The following VPS13B variants were observed in gnomAD, a reference collection of about 807,000 sequenced individuals.
VPS13B encodes the protein intermembrane lipid transfer protein VPS13B.
VPS13B carries 285 observed loss-of-function variants against 426.4 expected under a neutral mutation model. The ratio of observed to expected loss-of-function variants is 0.67; its 90% CI spans 0.61 to 0.74. The LOEUF is 0.74. Ranked by LOEUF, VPS13B falls within the 30% of genes least tolerant of loss-of-function variation. The probability of loss-of-function intolerance (pLI) is 0.00; values close to 1 mark genes in which losing one functional copy is unlikely to be tolerated. For missense variants in VPS13B, 4,537 were observed against 4,782.6 expected, an observed-to-expected ratio of 0.95 and a Z score of 1.51; for synonymous variants, 1,676 against 1,676.4, an observed-to-expected ratio of 1.00 and a Z score of 0.01.
At chr8:99,197,560 T>C (rs994459475) in intron 17 of VPS13B, among the ~76,000 whole-genome samples, 2 of 152,192 alleles carry the variant, frequency 1.3e-5, no homozygotes, top group African/African-American at 4.8e-5. Flanking sequence ...TAATTTCTTT[T>C]AGCTTATCCA....
chr8:99,853,078 C>T (rs1816374684), intron 55 of VPS13B, among the ~76,000 whole-genome samples: 1 of 152,134 alleles, frequency 6.6e-6, no homozygotes, highest in Non-Finnish European at 1.5e-5. Context: ...TTTTCTTCTG[C>T]TCACATCACT....
intron 3 of VPS13B, among the ~76,000 whole-genome samples, chr8:99,080,377 A>G (rs1279946818): frequency 1.3e-5 from 2 of 151,878 alleles, no homozygotes; most frequent in African/African-American, 4.8e-5. Flanking sequence ...GTAATTTTAA[A>G]CCTTTATTTT....
chr8:99,325,902 A>C (rs1184466674), intron 19 of VPS13B, among the ~76,000 whole-genome samples: 1 of 152,010 alleles, frequency 6.6e-6, no homozygotes, highest in Non-Finnish European at 1.5e-5. Flanking sequence ...AACCAAAATA[A>C]ATTTTTATTC....
At chr8:99,689,560 G>A (rs1831560824) in intron 35 of VPS13B, among the ~76,000 whole-genome samples, 1 of 152,182 alleles carries the variant, frequency 6.6e-6, no homozygotes, top group African/African-American at 2.4e-5. Flanking sequence ...GTGCACACCT[G>A]TAGTCCCAGC....
Position 99,521,137 on chromosome 8 carries a change from G to T in VPS13B, c.4745+127G>T, listed in dbSNP as rs963133081. The T allele has an allele frequency of 1.0e-5, 8 of 785,254 alleles. No homozygotes were observed. In the Admixed American group the frequency reaches 1.8e-4, roughly 17 times the overall value. 48.6% of individuals were successfully genotyped at this position (785,254 alleles called of 1,614,324 possible). On this transcript the variant is annotated intron_variant, in intron 30 of 61. Coordinates refer to ENST00000357162, the MANE Select transcript of VPS13B (RefSeq NM_152564.5). The stretch of plus-strand genomic sequence containing the variant: ...AGGATCTTTTGATATTTAAAACCAG[G>T]TTTTTCTGATTTTCTTCAGTTGTGG...
intron 30 of VPS13B, among the ~76,000 whole-genome samples, chr8:99,542,169 G>C (rs542351485): frequency 6.6e-6 from 1 of 152,130 alleles, no homozygotes; most frequent in African/African-American, 2.4e-5. Flanking sequence ...GATTACAGAC[G>C]TGAGCCACCG....
chr8:99,397,094 A>G (rs1814765512), intron 21 of VPS13B, among the ~76,000 whole-genome samples: 1 of 152,204 alleles, frequency 6.6e-6, no homozygotes, highest in South Asian at 2.1e-4. Context: ...TTTTTAAAGA[A>G]TCTGTCTTTG....
At chr8:99,202,930 A>T (rs1288320974) in intron 17 of VPS13B, among the ~76,000 whole-genome samples, 2 of 151,958 alleles carry the variant, frequency 1.3e-5, no homozygotes, top group Non-Finnish European at 2.9e-5. Context: ...GTTACTCTGG[A>T]CGCTGAGGCA....
chr8:99,164,602 G>A (rs1044967278), intron 15 of VPS13B, among the ~76,000 whole-genome samples: 4 of 152,198 alleles, frequency 2.6e-5, no homozygotes, highest in African/African-American at 9.7e-5. Context: ...ACCCACATAA[G>A]TAGAATATGC....
At chr8:99,670,738 G>C (rs1230127867) in intron 35 of VPS13B, among the ~76,000 whole-genome samples, 1 of 151,998 alleles carries the variant, frequency 6.6e-6, no homozygotes, top group Non-Finnish European at 1.5e-5. Context: ...TGCAGTTTTT[G>C]TCTATTTCTG....
At position 99,135,698 on chromosome 8, in the gene VPS13B, C is replaced by G. The variant is rs139141291; in HGVS notation, c.1528C>G (p.Arg510Gly). The change falls in exon 11 of 62, where the codon CGC becomes GGC. Residue 510 changes from arginine to glycine, a missense_variant. Physicochemically the swap from Arg to Gly is moderately radical, Grantham distance 125. Transcript: ENST00000357162. ...CCGAAGCCCAGAAAATAATGGTACT[C>G]GCGCAGAATTTATCTTGGATTCAAC... The part of the protein sequence containing the change: ...DYRSPENNGT[R>G]AEFILDSTHH... 2 of 1,613,322 alleles carry G rather than the reference C, an allele frequency of 1.2e-6. No individual in the cohort carries two copies. Among genetic ancestry groups the G allele is most frequent in the Middle Eastern group, 1.7e-4 (1 of 6,054 alleles).
At chr8:99,821,800 T>C (rs2130823178) in intron 50 of VPS13B, among the ~76,000 whole-genome samples, 1 of 152,290 alleles carries the variant, frequency 6.6e-6, no homozygotes, top group East Asian at 1.9e-4. Context: ...TTGGCCTCCT[T>C]CTTTAGAGCA....
chr8:99,455,849 A>G (rs1398972593), intron 23 of VPS13B, among the ~76,000 whole-genome samples: 1 of 152,192 alleles, frequency 6.6e-6, no homozygotes, highest in Non-Finnish European at 1.5e-5. Flanking sequence ...ATTATGCTAC[A>G]TTTTATCAAT....
intron 3 of VPS13B, among the ~76,000 whole-genome samples, chr8:99,044,653 C>G (rs368072240): frequency 6.6e-6 from 1 of 152,144 alleles, no homozygotes; most frequent in East Asian, 1.9e-4. Flanking sequence ...CCTCTTTCCC[C>G]CAAGTCCCCA....
chr8:99,014,862 G>T (rs1408213224), intron 2 of VPS13B, among the ~76,000 whole-genome samples: 1 of 152,014 alleles, frequency 6.6e-6, no homozygotes, highest in Non-Finnish European at 1.5e-5. Context: ...CAAAAGAACC[G>T]TAACTTCAAA....
At position 99,640,010 on chromosome 8, in the gene VPS13B, T is replaced by TAAGAAG. The variant is rs1459641340; in HGVS notation, c.5221-1799_5221-1798insGAAGAA. ...GTAATAATAATAATAATAATAATAATAATAATAATAATAATAAGAAGAAGA... is the reference window on the plus strand; with the variant it reads ...GTAATAATAATAATAATAATAATAATAAGAAGAATAATAATAATAATAAGAAGAAGA... On this transcript the variant is annotated intron_variant, in intron 33 of 61. Transcript: ENST00000357162. 9.9e-4 allele frequency among the ~76,000 whole-genome samples: 72 copies of TAAGAAG among 72,536 alleles called. 1 individual carries two copies. The highest frequency in any genetic ancestry group is 3.4e-3 in the Admixed American group (17 of 4,946). The allele number at this position is 72,536 out of a possible 152,430, so 47.6% of individuals were successfully genotyped here. A position where few individuals can be genotyped will look rare whatever the true frequency, so the allele number is the denominator to read the frequency against.
chr8:99,562,128 ACAT>A (rs1824955107), intron 31 of VPS13B, among the ~76,000 whole-genome samples: 1 of 152,168 alleles, frequency 6.6e-6, no homozygotes, highest in Non-Finnish European at 1.5e-5. Flanking sequence ...GTAAGCTAAC[ACAT>A]CATCCTACTG....
At chr8:99,050,153 T>G (rs1843452377) in intron 3 of VPS13B, among the ~76,000 whole-genome samples, 1 of 152,054 alleles carries the variant, frequency 6.6e-6, no homozygotes, top group Admixed American at 6.6e-5. Context: ...AATTTAACAT[T>G]AGGTATATCT....
intron 3 of VPS13B, among the ~76,000 whole-genome samples, chr8:99,065,262 A>G (rs1844422027): frequency 6.6e-6 from 1 of 152,226 alleles, no homozygotes; most frequent in Admixed American, 6.5e-5. Flanking sequence ...GAAAATCCTC[A>G]GTAAAATACT....
Sources: allele counts gnomAD v4.1 joint callset (sites outside exome capture counted in the v4.1 genomes callset), GRCh38; gene constraint gnomAD v4.1.1; transcripts MANE v1.5; gene names NCBI Gene and HGNC (gene_info 2026-07-23, HGNC 2026-07-21).